Variants in PANX1 observed in about 807,000 individuals in gnomAD.
PANX1 encodes pannexin 1, also known as pannexin-1.
PANX1 carries 30 observed loss-of-function variants against 38.7 expected under a neutral mutation model. The ratio of observed to expected loss-of-function variants is 0.78; its 90% confidence interval spans 0.58 to 1.05. The LOEUF is 1.05. Ranked by LOEUF, PANX1 falls within the 50% of genes least tolerant of loss-of-function variation. The pLI is 0.00. For missense variants in PANX1, 551 were observed against 517.2 expected (o/e 1.07, Z -0.63); for synonymous variants, 230 against 212.2 (o/e 1.08, Z -0.73).
intron 1 of PANX1, among the ~76,000 whole-genome samples, chr11:94,141,458 A>G (rs1946760688): frequency 6.6e-6 from 1 of 152,050 alleles, no homozygotes; most frequent in South Asian, 2.1e-4. Context: ...CTCCCTCCCC[A>G]GTGCCCACCT....
rs111561983 is a variant in PANX1 at position 94,170,946 on chromosome 11, C to T, written c.322-7423C>T. On this transcript the variant is annotated intron_variant, in intron 2 of 4. Transcript: ENST00000227638. Reference sequence around the variant, plus strand: ...TTAGTTCAGCGTGCTCATGGACTTGCGTAATTTCTTCCCATGCCTGTATTT... The same window carrying T: ...TTAGTTCAGCGTGCTCATGGACTTGTGTAATTTCTTCCCATGCCTGTATTT... Among the ~76,000 whole-genome samples, 4 of 151,790 alleles carry T rather than the reference C, an allele frequency of 2.6e-5. 1 individual carries two copies. Among genetic ancestry groups the T allele is most frequent in the South Asian group, 2.1e-4 (1 of 4,824 alleles).
chr11:94,169,952 G>A (rs1024214780), intron 2 of PANX1, among the ~76,000 whole-genome samples: 1 of 151,744 alleles, frequency 6.6e-6, no homozygotes. Flanking sequence ...ACCTATACCA[G>A]ATAGGAATAT....
In PANX1 at chr11:94,173,293, CCTT is replaced by C. The variant is rs1315316754; in HGVS notation, c.322-5073_322-5071del. Among the ~76,000 whole-genome samples the C allele has an allele frequency of 4.0e-5, 6 of 151,654 alleles. 1 individual carries two copies. The highest frequency in any genetic ancestry group is 1.2e-4 in the African/African-American group (5 of 40,956). On this transcript the variant is annotated intron_variant, in intron 2 of 4. Coordinates refer to ENST00000227638, the MANE Select transcript of PANX1 (RefSeq NM_015368.4). ...CCTGTTCGTGGTCTTCTGGTCTTCT[CCTT>C]CTGCCCATTCTCCTTGGATGATCTT...
intron 1 of PANX1, among the ~76,000 whole-genome samples, chr11:94,141,969 A>G (rs1946766871): frequency 6.6e-6 from 1 of 152,140 alleles, no homozygotes; most frequent in African/African-American, 2.4e-5. Context: ...TGGCCCTTTG[A>G]CAGGTGACGA....
intron 1 of PANX1, among the ~76,000 whole-genome samples, chr11:94,144,298 A>G (rs1946800555): frequency 6.6e-6 from 1 of 152,026 alleles, no homozygotes. Flanking sequence ...CCTCTAGTGA[A>G]TGTGTGACCA....
At chr11:94,146,527 C>T (rs1946830620) in intron 1 of PANX1, among the ~76,000 whole-genome samples, 1 of 152,174 alleles carries the variant, frequency 6.6e-6, no homozygotes, top group Non-Finnish European at 1.5e-5. Flanking sequence ...TGACTAAGTG[C>T]CCACCATAGC....
At chr11:94,146,460 T>C (rs1396301210) in intron 1 of PANX1, among the ~76,000 whole-genome samples, 1 of 152,172 alleles carries the variant, frequency 6.6e-6, no homozygotes, top group African/African-American at 2.4e-5. Context: ...AGACCACTTA[T>C]CATTGCACAG....
chr11:94,179,101 G>A (rs1166834061), intron 3 of PANX1, among the ~76,000 whole-genome samples: 2 of 152,130 alleles, frequency 1.3e-5, no homozygotes. Context: ...CTCACACACC[G>A]TATTGAGTTA....
At chr11:94,171,991 C>G (rs1947175313) in intron 2 of PANX1, among the ~76,000 whole-genome samples, 1 of 150,712 alleles carries the variant, frequency 6.6e-6, no homozygotes, top group Non-Finnish European at 1.5e-5. Context: ...CTCTCTGAAA[C>G]AGGAAAGTCC....
intron 1 of PANX1, among the ~76,000 whole-genome samples, chr11:94,136,173 G>A (rs1016067580): frequency 6.6e-6 from 1 of 151,072 alleles, no homozygotes; most frequent in African/African-American, 2.4e-5. Flanking sequence ...GCATTCCTGC[G>A]TTCCTATTTG....
At position 94,129,013 on chromosome 11, in the gene PANX1, A is replaced by C; in HGVS notation, c.-300A>C. The C allele has an allele frequency of 4.2e-6, 1 of 238,008 alleles. No homozygotes were observed. The highest frequency in any genetic ancestry group is 8.1e-6 in the Non-Finnish European group (1 of 124,002). The allele number at this position is 238,008 out of a possible 1,614,324, so 14.7% of individuals were successfully genotyped here. A position where few individuals can be genotyped will look rare whatever the true frequency, so the allele number is the denominator to read the frequency against. ...CTGGGGGTGCGCGGGAGAGGCGCGA[A>C]TCCGAGTGCCGCGCGCGGCCCGGGG... On this transcript the variant is annotated 5_prime_UTR_variant, in exon 1 of 5. Coordinates refer to ENST00000227638, the MANE Select transcript of PANX1 (RefSeq NM_015368.4).
intron 2 of PANX1, among the ~76,000 whole-genome samples, chr11:94,167,456 A>G (rs561879931): frequency 2.0e-5 from 3 of 152,184 alleles, no homozygotes; most frequent in African/African-American, 7.2e-5. Context: ...GCCTCCTCTT[A>G]TGTACTGTCA....
intron 2 of PANX1, among the ~76,000 whole-genome samples, chr11:94,153,874 CT>C (rs1378288871): frequency 2.0e-5 from 3 of 152,176 alleles, no homozygotes; most frequent in Non-Finnish European, 4.4e-5. Context: ...CAGCAGGCAC[CT>C]TTTGTGTCTT....
At chr11:94,142,618 A>T (rs1325940369) in intron 1 of PANX1, among the ~76,000 whole-genome samples, 1 of 152,134 alleles carries the variant, frequency 6.6e-6, no homozygotes, top group African/African-American at 2.4e-5. Context: ...CCCTTATGTG[A>T]TTTGTTTTCA....
Position 94,153,541 on chromosome 11 carries a change from G to A in PANX1, c.232G>A (p.Ala78Thr), listed in dbSNP as rs376684216. ...SPSSFSWRQAAFVDSYCWAAV... is the reference protein window; with the variant it reads ...SPSSFSWRQATFVDSYCWAAV... ...AAGTTCTTTCTCCTGGCGTCAGGCT[G>A]CCTTTGTGGATTCATATTGCTGGGC... The change falls in exon 2 of 5, where the codon GCC becomes ACC. Residue 78 changes from alanine to threonine, a missense_variant. Ala to Thr is a moderately conservative substitution (Grantham distance 58, BLOSUM62 0). Coordinates refer to ENST00000227638, the MANE Select transcript of PANX1 (RefSeq NM_015368.4). The A allele has an allele frequency of 3.7e-6, 6 of 1,614,024 alleles. No individual in the cohort carries two copies. In the African/African-American group the frequency reaches 6.7e-5, roughly 18 times the overall value.
At chr11:94,139,051 G>A (rs540737762) in intron 1 of PANX1, among the ~76,000 whole-genome samples, 8 of 152,182 alleles carry the variant, frequency 5.3e-5, no homozygotes, top group East Asian at 3.9e-4. Flanking sequence ...TGAGGAACCC[G>A]TTCGTTATTC....
intron 2 of PANX1, among the ~76,000 whole-genome samples, chr11:94,175,321 A>G (rs1947220431): frequency 6.6e-6 from 1 of 151,662 alleles, no homozygotes; most frequent in African/African-American, 2.4e-5. Flanking sequence ...GCATTAAATG[A>G]TGTTATTATA....
At chr11:94,157,944 C>CTTCA (rs1159476136) in intron 2 of PANX1, among the ~76,000 whole-genome samples, 1 of 152,120 alleles carries the variant, frequency 6.6e-6, no homozygotes, top group East Asian at 1.9e-4. Context: ...GGGGATCCAG[C>CTTCA]TTCAGCTTTC....
chr11:94,180,730 AT>A, intron 4 of PANX1, 59 bp from the exon 5 acceptor site: 2 of 943,726 alleles, frequency 2.1e-6, no homozygotes, highest in South Asian at 1.3e-5. Flanking sequence ...AGAAAAATTG[AT>A]TAGTATTGGT....
Sources: allele counts gnomAD v4.1 joint callset (sites outside exome capture counted in the v4.1 genomes callset), GRCh38; gene constraint gnomAD v4.1.1; transcripts MANE v1.5; gene names NCBI Gene and HGNC (gene_info 2026-07-23, HGNC 2026-07-21).